The following RSF1 variants were observed in gnomAD, a reference collection of about 807,000 sequenced individuals.
RSF1 encodes the protein HBV pX-associated protein 8.
RSF1 carries 13 observed loss-of-function variants against 145.2 expected under a neutral mutation model. That is an observed-to-expected ratio of 0.09 (90% CI 0.06 to 0.14). RSF1 has a LOEUF of 0.14. RSF1 is among the 10% of genes least tolerant of loss of function. RSF1 has a pLI of 1.00. For missense variants in RSF1, 1,517 were observed against 1,718.2 expected (o/e 0.88, Z 2.07); for synonymous variants, 577 against 592.6 (o/e 0.97, Z 0.38).
At chr11:77,855,791 T>C in the RSF1 span, among the ~76,000 whole-genome samples, 3 of 149,096 alleles carry the variant, frequency 2.0e-5, no homozygotes, top group Admixed American at 6.8e-5. Context: ...GTCTTGAGTG[T>C]TTTGCTGCTT....
At chr11:77,706,110 G>A (rs1038658134) in intron 5 of RSF1, among the ~76,000 whole-genome samples, 1 of 151,768 alleles carries the variant, frequency 6.6e-6, no homozygotes, top group Non-Finnish European at 1.5e-5. Flanking sequence ...GTGGGGTGGT[G>A]TGAGCCTGTA....
intron 1 of RSF1, chr11:77,813,503 G>A: frequency 1.1e-6 from 1 of 876,780 alleles, no homozygotes; most frequent in Non-Finnish European, 1.9e-6. Context: ...TCAAAGTCTT[G>A]GTAGGTATTC....
intron 9 of RSF1, among the ~76,000 whole-genome samples, chr11:77,689,095 T>A (rs1479433504): frequency 6.6e-6 from 1 of 152,206 alleles, no homozygotes; most frequent in Non-Finnish European, 1.5e-5. Flanking sequence ...TTAGATTTCC[T>A]CAATCATACT....
At chr11:77,818,926 TTTAAA>T (rs1436449493) in intron 1 of RSF1, among the ~76,000 whole-genome samples, 3 of 152,246 alleles carry the variant, frequency 2.0e-5, no homozygotes, top group African/African-American at 4.8e-5. Context: ...TGTACTATTT[TTTAAA>T]TTAGCCTTTT....
At chr11:77,752,218 C>T (rs1308019641) in intron 2 of RSF1, among the ~76,000 whole-genome samples, 1 of 152,142 alleles carries the variant, frequency 6.6e-6, no homozygotes, top group Non-Finnish European at 1.5e-5. Flanking sequence ...AATATGGAAG[C>T]TGAAAGGTTG....
intron 9 of RSF1, among the ~76,000 whole-genome samples, chr11:77,687,144 T>C (rs555978778): frequency 3.9e-5 from 6 of 152,268 alleles, no homozygotes; most frequent in Admixed American, 2.0e-4. Flanking sequence ...TGTTTAGAGC[T>C]CCTAAGATTC....
At chr11:77,711,350 A>G (rs1357746560) in intron 5 of RSF1, among the ~76,000 whole-genome samples, 4 of 152,086 alleles carry the variant, frequency 2.6e-5, no homozygotes, top group Non-Finnish European at 5.9e-5. Context: ...TACCATTACC[A>G]ATGTCATTAA....
intron 1 of RSF1, among the ~76,000 whole-genome samples, chr11:77,771,781 G>A (rs1363461778): frequency 6.6e-6 from 1 of 152,118 alleles, no homozygotes; most frequent in Non-Finnish European, 1.5e-5. Flanking sequence ...ATGTCCATAG[G>A]ATAGAGATTA....
intron 1 of RSF1, among the ~76,000 whole-genome samples, chr11:77,807,858 G>A (rs1294650934): frequency 6.6e-6 from 1 of 152,058 alleles, no homozygotes; most frequent in Non-Finnish European, 1.5e-5. Context: ...TGAACTACAA[G>A]GAAAAGACAG....
intron 14 of RSF1, among the ~76,000 whole-genome samples, chr11:77,673,305 T>C (rs1959605040): frequency 6.6e-6 from 1 of 152,254 alleles, no homozygotes. Context: ...AATAGCATTG[T>C]TCCTGTCATC....
intron 4 of RSF1, among the ~76,000 whole-genome samples, chr11:77,740,512 A>G (rs1250442318): frequency 1.3e-5 from 2 of 152,244 alleles, no homozygotes; most frequent in Admixed American, 6.5e-5. Flanking sequence ...GTATGTGTAT[A>G]TAATATGGAC....
At chr11:77,729,292 AAC>A (rs1961137156) in intron 4 of RSF1, among the ~76,000 whole-genome samples, 1 of 152,224 alleles carries the variant, frequency 6.6e-6, no homozygotes, top group South Asian at 2.1e-4. Flanking sequence ...AGCTGCTATT[AAC>A]AGAGATGGGA....
rs1026282860 is a variant in RSF1, at chr11:77,778,913, T to C, written c.188-14224A>G. ...TTTCATTTCTTTAGTCCCTAAGTTATGTGATCCACCCTTTTGTTTCAATTT... is the reference window on the plus strand; with the variant it reads ...TTTCATTTCTTTAGTCCCTAAGTTACGTGATCCACCCTTTTGTTTCAATTT... On this transcript the variant is annotated intron_variant, in intron 1 of 15. Coordinates refer to ENST00000308488, the MANE Select transcript of RSF1 (RefSeq NM_016578.4). Among the ~76,000 whole-genome samples, 5 of 152,308 alleles carry C rather than the reference T, an allele frequency of 3.3e-5. No individual in the cohort carries two copies. In the South Asian group the frequency reaches 8.3e-4, roughly 25 times the overall value.
chr11:77,747,883 T>C (rs1948018509), intron 2 of RSF1, among the ~76,000 whole-genome samples: 1 of 152,160 alleles, frequency 6.6e-6, no homozygotes, highest in African/African-American at 2.4e-5. Flanking sequence ...GGAACATTAA[T>C]AATATTATCT....
At chr11:77,841,375 C>A in the RSF1 span, 1 of 584,664 alleles carries the variant, frequency 1.7e-6, no homozygotes, top group East Asian at 2.8e-5. Context: ...AGAGTTTTTT[C>A]CTTGATTTTA....
intron 1 of RSF1, among the ~76,000 whole-genome samples, chr11:77,795,075 A>G (rs1176709436): frequency 6.6e-6 from 1 of 152,212 alleles, no homozygotes; most frequent in East Asian, 1.9e-4. Flanking sequence ...AAAGGAATCA[A>G]GAAGGCAATC....
the RSF1 span, chr11:77,866,473 G>C: frequency 5.3e-5 from 8 of 152,172 alleles, no homozygotes; most frequent in Admixed American, 3.3e-4. Context: ...TGGATCCACA[G>C]GCCCTTGCAG....
At chr11:77,772,087 T>C (rs1028703325) in intron 1 of RSF1, among the ~76,000 whole-genome samples, 6 of 152,214 alleles carry the variant, frequency 3.9e-5, no homozygotes, top group African/African-American at 1.2e-4. Context: ...ACTTTTAGTT[T>C]AATCACATCC....
chr11:77,669,899 A>AG (rs1959474812), intron 15 of RSF1, among the ~76,000 whole-genome samples: 1 of 152,126 alleles, frequency 6.6e-6, no homozygotes, highest in Non-Finnish European at 1.5e-5. Context: ...AGGCCAAGGT[A>AG]GGGGGGATCA....
Sources: allele counts gnomAD v4.1 joint callset (sites outside exome capture counted in the v4.1 genomes callset), GRCh38; gene constraint gnomAD v4.1.1; transcripts MANE v1.5; gene names NCBI Gene and HGNC (gene_info 2026-07-23, HGNC 2026-07-21).